The following PLCB1 variants were observed in gnomAD, a reference collection of about 807,000 sequenced individuals.
PLCB1 encodes the protein 1-phosphatidylinositol 4,5-bisphosphate phosphodiesterase beta-1.
Under a neutral mutation model 161.8 loss-of-function variants are expected in PLCB1, and 46 were observed. The observed-to-expected ratio is 0.28, with a 90% CI of 0.22 to 0.36. PLCB1 has a LOEUF of 0.36. Ranked by LOEUF, PLCB1 falls within the 10% of genes least tolerant of loss-of-function variation. The pLI, the probability that PLCB1 is intolerant of heterozygous loss-of-function variation, is 1.00. For synonymous variants in PLCB1, 517 were observed against 503.7 expected, an observed-to-expected ratio of 1.03 and a Z score of -0.35; for missense variants, 1,016 against 1,472.5, an observed-to-expected ratio of 0.69 and a Z score of 5.07.
At chr20:8,531,751 G>A (rs1984825084) in intron 3 of PLCB1, among the ~76,000 whole-genome samples, 2 of 151,688 alleles carry the variant, frequency 1.3e-5, no homozygotes, top group Admixed American at 1.3e-4. Context: ...AATTCATCCA[G>A]ATTAAAATAT....
At chr20:8,205,197 T>G (rs541513575) in intron 2 of PLCB1, among the ~76,000 whole-genome samples, 1 of 152,310 alleles carries the variant, frequency 6.6e-6, no homozygotes, top group African/African-American at 2.4e-5. Flanking sequence ...CTTACACATG[T>G]TGAAACAGAA....
chr20:8,358,383 G>T (rs868471914), intron 2 of PLCB1, among the ~76,000 whole-genome samples: 6 of 152,012 alleles, frequency 3.9e-5, no homozygotes, highest in Admixed American at 2.6e-4. Flanking sequence ...CGAGTAGCTG[G>T]GATTCCAGGC....
chr20:8,506,649 TAG>T (rs1983648852), intron 3 of PLCB1, among the ~76,000 whole-genome samples: 1 of 152,196 alleles, frequency 6.6e-6, no homozygotes, highest in South Asian at 2.1e-4. Context: ...CCAAAAAAGA[TAG>T]AGTTAAATAA....
At chr20:8,460,522 C>T (rs1981531241) in intron 3 of PLCB1, among the ~76,000 whole-genome samples, 8 of 152,210 alleles carry the variant, frequency 5.3e-5, no homozygotes, top group Admixed American at 3.9e-4. Flanking sequence ...TTCAAAAATT[C>T]TGTCCAAAAG....
At chr20:8,774,487 C>T (rs1197166380) in intron 26 of PLCB1, 52 bp from the exon 27 acceptor site, 2 of 1,489,388 alleles carry the variant, frequency 1.3e-6, no homozygotes, top group Non-Finnish European at 9.1e-7. Context: ...AACCTTCCCT[C>T]CACCTTGTTA....
rs561377370 is a variant in PLCB1 at position 8,325,140 on chromosome 20, G to T, written c.178-46242G>T. Among the ~76,000 whole-genome samples the T allele has an allele frequency of 2.6e-5, 4 of 152,294 alleles. No homozygotes were observed. The South Asian group carries it at 8.3e-4, about 32-fold the overall frequency. On this transcript the variant is annotated intron_variant, in intron 2 of 31. Transcript: ENST00000338037. The stretch of plus-strand genomic sequence containing the variant: ...GAGGCAGAAAAGAAAGGACATTTCA[G>T]AGATGCTCTGCAATAAAGAAGTGAC...
chr20:8,288,254 A>AG (rs886424964), intron 2 of PLCB1, among the ~76,000 whole-genome samples: 1 of 69,000 alleles, frequency 1.4e-5, no homozygotes, highest in African/African-American at 7.2e-5. Context: ...TGGAGGCTAC[A>AG]AAAAAATGAG....
intron 31 of PLCB1, among the ~76,000 whole-genome samples, chr20:8,808,465 T>G (rs1260641203): frequency 1.3e-5 from 2 of 152,182 alleles, no homozygotes; most frequent in Non-Finnish European, 2.9e-5. Context: ...CCTTAATTAC[T>G]TCATTAAAGA....
At chr20:8,755,811 AG>A (rs1681466645) in intron 23 of PLCB1, among the ~76,000 whole-genome samples, 1 of 152,204 alleles carries the variant, frequency 6.6e-6, no homozygotes, top group Admixed American at 6.5e-5. Flanking sequence ...AGGAAGACAA[AG>A]GTTTGTAAAG....
At chr20:8,817,319 G>C (rs905978950) in intron 31 of PLCB1, among the ~76,000 whole-genome samples, 1 of 152,198 alleles carries the variant, frequency 6.6e-6, no homozygotes. Context: ...CCTTTATCTT[G>C]AAGGTGTCTA....
chr20:8,529,318 T>G (rs568102051), intron 3 of PLCB1, among the ~76,000 whole-genome samples: 1 of 152,016 alleles, frequency 6.6e-6, no homozygotes, highest in Non-Finnish European at 1.5e-5. Context: ...AAAAGGCAAT[T>G]TAAATTTTCT....
At chr20:8,800,946 T>G (rs1984253419) in intron 31 of PLCB1, among the ~76,000 whole-genome samples, 1 of 152,166 alleles carries the variant, frequency 6.6e-6, no homozygotes, top group Non-Finnish European at 1.5e-5. Flanking sequence ...GCCTCCAAAC[T>G]GGTCTTCCTG....
chr20:8,322,032 GT>G (rs1984942970), intron 2 of PLCB1, among the ~76,000 whole-genome samples: 1 of 152,122 alleles, frequency 6.6e-6, no homozygotes, highest in South Asian at 2.1e-4. Context: ...AATACCCCAG[GT>G]CCATCAGGTT....
chr20:8,430,833 C>T (rs1980007897), intron 3 of PLCB1, among the ~76,000 whole-genome samples: 1 of 152,056 alleles, frequency 6.6e-6, no homozygotes, highest in Admixed American at 6.5e-5. Context: ...GGCTATGTGT[C>T]TTTAGTCCTA....
At chr20:8,538,795 C>CTT (rs3032826) in intron 3 of PLCB1, among the ~76,000 whole-genome samples, 11,529 of 141,570 alleles carry the variant, frequency 0.081, 691 homozygotes, top group Admixed American at 0.18. Context: ...TTACAGCTAA[C>CTT]TTTTTTTTTT....
intron 14 of PLCB1, among the ~76,000 whole-genome samples, chr20:8,721,747 G>A (rs76867842): frequency 0.037 from 5,579 of 152,182 alleles, 314 homozygotes; most frequent in African/African-American, 0.12. Context: ...GGATAAAGTT[G>A]GCCCTTCACG....
At chr20:8,225,491 T>G (rs1979632940) in intron 2 of PLCB1, among the ~76,000 whole-genome samples, 1 of 152,208 alleles carries the variant, frequency 6.6e-6, no homozygotes, top group South Asian at 2.1e-4. Context: ...TTTAGAATAT[T>G]AGAATTCGAG....
At chr20:8,633,473 T>C (rs1269172783) in intron 4 of PLCB1, among the ~76,000 whole-genome samples, 2 of 152,236 alleles carry the variant, frequency 1.3e-5, no homozygotes, top group East Asian at 3.9e-4. Context: ...TATTTGATTG[T>C]ATTAAAAAGT....
chr20:8,216,238 A>G (rs1180341729), intron 2 of PLCB1, among the ~76,000 whole-genome samples: 2 of 152,118 alleles, frequency 1.3e-5, no homozygotes, highest in Middle Eastern at 3.2e-3. Context: ...AGCACCCATC[A>G]TACTTTGTGC....
Sources: gnomAD v4.1 joint callset for allele counts (sites outside exome capture counted in the v4.1 genomes callset) on GRCh38, gnomAD v4.1.1 for gene constraint, MANE v1.5 for transcripts, NCBI Gene and HGNC (gene_info 2026-07-23, HGNC 2026-07-21) for gene names.